DLG2: variants seen among roughly 807,000 people sequenced by gnomAD.
The protein encoded by DLG2 is disks large homolog 2.
In DLG2, 45 loss-of-function variants were observed where a neutral mutation model predicts 132.5. That is an observed-to-expected ratio of 0.34 (90% confidence interval 0.27 to 0.44). DLG2 has a LOEUF of 0.44. Among genes scored for constraint, DLG2 ranks in the 20% least tolerant of loss-of-function variants. DLG2 has a pLI of 1.00. For synonymous variants in DLG2, 424 were observed against 419.6 expected (o/e 1.01, Z -0.13); for missense variants, 1,045 against 1,196.9 (o/e 0.87, Z 1.87).
intron 4 of DLG2, among the ~76,000 whole-genome samples, chr11:85,237,548 A>G (rs2075654057): frequency 6.6e-6 from 1 of 152,076 alleles, no homozygotes; most frequent in Non-Finnish European, 1.5e-5. Flanking sequence ...AACTAAAAAT[A>G]AAATCCTAAA....
intron 6 of DLG2, among the ~76,000 whole-genome samples, chr11:84,607,605 A>C (rs2099588090): frequency 6.6e-6 from 1 of 151,830 alleles, no homozygotes; most frequent in African/African-American, 2.4e-5. Flanking sequence ...AATTCAGTTT[A>C]CTCCTTTTTT....
intron 3 of DLG2, among the ~76,000 whole-genome samples, chr11:85,352,874 C>T (rs1221002319): frequency 1.3e-5 from 2 of 152,068 alleles, no homozygotes; most frequent in East Asian, 3.8e-4. Context: ...GACCAAAAAC[C>T]ATAAAAACCC....
At chr11:85,212,198 A>C (rs1406871055) in intron 4 of DLG2, among the ~76,000 whole-genome samples, 1 of 152,122 alleles carries the variant, frequency 6.6e-6, no homozygotes, top group Non-Finnish European at 1.5e-5. Context: ...AAAAATTGTC[A>C]GTCTTTGGAT....
intron 6 of DLG2, among the ~76,000 whole-genome samples, chr11:84,718,665 T>A (rs1398640007): frequency 6.6e-6 from 1 of 152,216 alleles, no homozygotes; most frequent in Non-Finnish European, 1.5e-5. Context: ...GTAATTCTTG[T>A]AAGTTCATGG....
At chr11:83,501,371 T>A (rs1334853042) in intron 21 of DLG2, among the ~76,000 whole-genome samples, 1 of 152,132 alleles carries the variant, frequency 6.6e-6, no homozygotes, top group Non-Finnish European at 1.5e-5. Flanking sequence ...TCCGACTAAC[T>A]GATCAGTGTT....
At chr11:83,958,661 A>G (rs1217481939) in intron 14 of DLG2, among the ~76,000 whole-genome samples, 1 of 152,110 alleles carries the variant, frequency 6.6e-6, no homozygotes, top group Non-Finnish European at 1.5e-5. Flanking sequence ...ATTTTCAGCC[A>G]GATAGTGATG....
intron 6 of DLG2, among the ~76,000 whole-genome samples, chr11:84,621,969 A>T (rs191338173): frequency 6.6e-6 from 1 of 152,220 alleles, no homozygotes; most frequent in South Asian, 2.1e-4. Flanking sequence ...GAAATTGTAC[A>T]TTAGTAGTAC....
At chr11:84,356,670 T>C (rs912102231) in intron 7 of DLG2, among the ~76,000 whole-genome samples, 4 of 152,068 alleles carry the variant, frequency 2.6e-5, no homozygotes, top group Non-Finnish European at 2.9e-5. Context: ...ATATTATTAA[T>C]AAATAGTATT....
At chr11:84,310,327 G>T (rs937072151) in intron 7 of DLG2, among the ~76,000 whole-genome samples, 23 of 152,094 alleles carry the variant, frequency 1.5e-4, no homozygotes, top group African/African-American at 5.3e-4. Flanking sequence ...TTACTCTTAG[G>T]TTCCATTTAC....
At chr11:84,323,119 C>T (rs190107943) in intron 7 of DLG2, among the ~76,000 whole-genome samples, 2 of 151,994 alleles carry the variant, frequency 1.3e-5, no homozygotes, top group Non-Finnish European at 2.9e-5. Context: ...TAACTATAAG[C>T]ACAAGGTTGT....
intron 15 of DLG2, among the ~76,000 whole-genome samples, chr11:83,884,103 G>A (rs570146405): frequency 9.9e-5 from 15 of 152,196 alleles, no homozygotes; most frequent in Non-Finnish European, 1.5e-4. Context: ...AGGACAGTGG[G>A]TGCAGGGCAC....
At chr11:84,786,726 C>CATTG (rs1422008713) in intron 6 of DLG2, among the ~76,000 whole-genome samples, 1 of 152,160 alleles carries the variant, frequency 6.6e-6, no homozygotes, top group Non-Finnish European at 1.5e-5. Flanking sequence ...TGAATATTTC[C>CATTG]ATTGCAGCAG....
chr11:85,477,450 AT>A (rs1354475555), intron 3 of DLG2, among the ~76,000 whole-genome samples: 3 of 152,250 alleles, frequency 2.0e-5, no homozygotes, highest in Non-Finnish European at 4.4e-5. Flanking sequence ...GAACTTGACC[AT>A]AGGTAATAAC....
At chr11:84,239,384 T>C (rs574247209) in intron 8 of DLG2, among the ~76,000 whole-genome samples, 91 of 152,222 alleles carry the variant, frequency 6.0e-4, no homozygotes, top group Non-Finnish European at 1.2e-3. Context: ...TTTCACCATT[T>C]TGGCCAGGCT....
intron 6 of DLG2, among the ~76,000 whole-genome samples, chr11:85,060,475 A>ATG (rs1188685283): frequency 2.1e-4 from 32 of 149,086 alleles, no homozygotes; most frequent in African/African-American, 7.7e-4. Flanking sequence ...GTGTATATAT[A>ATG]TGTGTATATA....
chr11:84,691,426 TTAAA>T (rs1170833835), intron 6 of DLG2, among the ~76,000 whole-genome samples: 3 of 151,790 alleles, frequency 2.0e-5, no homozygotes, highest in Non-Finnish European at 4.4e-5. Flanking sequence ...TATGAATATG[TTAAA>T]TAAATGAAAA....
At chr11:84,841,578 T>C (rs7951024) in intron 6 of DLG2, among the ~76,000 whole-genome samples, 15,944 of 152,052 alleles carry the variant, frequency 0.1, 976 homozygotes, top group Non-Finnish European at 0.12. Flanking sequence ...GAACAGTACC[T>C]GGTAGATGGT....
At chr11:84,720,515 C>A (rs975142300) in intron 6 of DLG2, 2 of 983,834 alleles carry the variant, frequency 2.0e-6, no homozygotes, top group African/African-American at 1.7e-5. Context: ...CTGCACCCGC[C>A]GTGGCCATCC....
At chr11:83,493,902 C>T (rs2094008072) in intron 21 of DLG2, among the ~76,000 whole-genome samples, 1 of 152,040 alleles carries the variant, frequency 6.6e-6, no homozygotes, top group Non-Finnish European at 1.5e-5. Context: ...CAACTAGGAC[C>T]TGGAGAAGCT....
Sources: allele counts gnomAD v4.1 joint callset (sites outside exome capture counted in the v4.1 genomes callset), GRCh38; gene constraint gnomAD v4.1.1; transcripts MANE v1.5; gene names NCBI Gene and HGNC (gene_info 2026-07-23, HGNC 2026-07-21).